The following TRIM25 variants were observed in gnomAD, a reference collection of about 807,000 sequenced individuals.
TRIM25 encodes tripartite motif containing 25, also known as E3 ubiquitin/ISG15 ligase TRIM25.
A neutral mutation model predicts 65.2 loss-of-function variants in TRIM25; 45 were observed. That is an observed-to-expected ratio of 0.69 (90% confidence interval 0.54 to 0.89). The LOEUF (loss-of-function observed/expected upper bound fraction) is 0.89, where lower values mean the gene tolerates loss of function less well. Ranked by LOEUF, TRIM25 falls within the 40% of genes least tolerant of loss-of-function variation. The pLI, the probability that TRIM25 is intolerant of heterozygous loss-of-function variation, is 0.00. For synonymous variants in TRIM25, 321 were observed against 340.4 expected (o/e 0.94, Z 0.63); for missense variants, 714 against 803.7 (o/e 0.89, Z 1.35).
Position 56,891,918 on chromosome 17 carries a change from A to C in TRIM25, c.1675T>G (p.Ser559Ala), listed in dbSNP as rs1171192543. 4 of 1,614,222 alleles carry C rather than the reference A, an allele frequency of 2.5e-6. No individual in the cohort carries two copies. The South Asian group carries it at 4.4e-5, about 18-fold the overall frequency. Reference sequence around the variant, plus strand: ...TTCTCCACGTTATTGTGCCAGGCAGAGATCTTGGTGTTGAACCACTCCACG... The same window carrying C: ...TTCTCCACGTTATTGTGCCAGGCAGCGATCTTGGTGTTGAACCACTCCACG... ...WCVEWFNTKISAWHNNVEKTL... is the reference protein window; with the variant it reads ...WCVEWFNTKIAAWHNNVEKTL... Residue 559 changes from serine (S) to alanine (A), a missense_variant, in exon 9 of 9, where the codon TCT becomes GCT. Around this residue, in one of 3 missense-constraint regions of TRIM25, gnomAD observed 413 missense variants for 498.2 expected, o/e 0.83. Transcript: ENST00000316881.
chr17:56,891,299 G>A lies in TRIM25; in HGVS notation c.*401C>T. On this transcript the variant is annotated 3_prime_UTR_variant, in exon 9 of 9. Transcript: ENST00000316881. ...AGAATTCAAAACACCAAGATCTGAA[G>A]GCTACCCCAGAGAGCAAAGGGGCAG... 3.2e-6 allele frequency: 1 copy of A among 311,286 alleles called. No individual in the cohort carries two copies. Among genetic ancestry groups the A allele is most frequent in the South Asian group, 2.9e-5 (1 of 34,532 alleles). The allele number at this position is 311,286 out of a possible 1,614,324, so 19.3% of individuals were successfully genotyped here. A position where few individuals can be genotyped will look rare whatever the true frequency, so the allele number is the denominator to read the frequency against.
At position 56,888,987 on chromosome 17, in the gene TRIM25, A is replaced by T. The variant is rs1338345286; in HGVS notation, c.*2713T>A. ...GTCAGCCAGCCCTGGCCTTGTCTAC[A>T]GCCATGATTATCTCCTTAAAGAGTT... On this transcript the variant is annotated 3_prime_UTR_variant, in exon 9 of 9. Transcript: ENST00000316881. 6.6e-6 allele frequency: 1 copy of T among 152,246 alleles called. No individual in the cohort carries two copies. Among genetic ancestry groups the T allele is most frequent in the Non-Finnish European group, 1.5e-5 (1 of 68,048 alleles). The allele number at this position is 152,246 out of a possible 1,614,324, so 9.4% of individuals were successfully genotyped here.
intron 3 of TRIM25, among the ~76,000 whole-genome samples, chr17:56,901,797 T>G (rs1049113995): frequency 6.6e-6 from 1 of 152,122 alleles, no homozygotes; most frequent in Non-Finnish European, 1.5e-5. Flanking sequence ...ATCTTACAGA[T>G]GGGGAAACTG....
At chr17:56,906,491 C>T (rs1363024834) in intron 2 of TRIM25, among the ~76,000 whole-genome samples, 5 of 146,202 alleles carry the variant, frequency 3.4e-5, no homozygotes, top group Admixed American at 3.4e-4. Context: ...AGTATTTCTT[C>T]GCCAATATTT....
At chr17:56,894,205 A>G (rs1408583201) in intron 8 of TRIM25, among the ~76,000 whole-genome samples, 1 of 152,194 alleles carries the variant, frequency 6.6e-6, no homozygotes, top group Non-Finnish European at 1.5e-5. Context: ...CTGATCTTGT[A>G]GGGCTAGAAC....
chr17:56,891,415 G>C lies in TRIM25; in HGVS notation c.*285C>G. ...GGCACTCATGACTTCACTTCCCAGA[G>C]CTCTGCCCAGCTGCCCAGCAGCCTG... On this transcript the variant is annotated 3_prime_UTR_variant, in exon 9 of 9. Coordinates refer to ENST00000316881, the MANE Select transcript of TRIM25 (RefSeq NM_005082.5). 1 of 456,844 alleles carries C rather than the reference G, an allele frequency of 2.2e-6. No homozygotes were observed. Among genetic ancestry groups the C allele is most frequent in the Non-Finnish European group, 4.0e-6 (1 of 249,540 alleles). 28.3% of individuals were successfully genotyped at this position (456,844 alleles called of 1,614,324 possible).
In TRIM25 at chr17:56,892,246, C is replaced by T; in HGVS notation, c.1364-17G>A. On this transcript the variant is annotated splice_polypyrimidine_tract_variant and intron_variant, in intron 8 of 8. Coordinates refer to ENST00000316881, the MANE Select transcript of TRIM25 (RefSeq NM_005082.5). The stretch of plus-strand genomic sequence containing the variant: ...TAATGTAATCTGAGAAAACATCACC[C>T]CAAGGAATTAATTACAAGGGGCCCA... The T allele has an allele frequency of 1.3e-6, 2 of 1,570,720 alleles. No homozygotes were observed. The highest frequency in any genetic ancestry group is 1.7e-6 in the Non-Finnish European group (2 of 1,157,218).
chr17:56,905,985 C>A (rs1192890843), intron 2 of TRIM25, among the ~76,000 whole-genome samples: 1 of 152,120 alleles, frequency 6.6e-6, no homozygotes, highest in African/African-American at 2.4e-5. Flanking sequence ...AAATAAAATA[C>A]AATAAATCTC....
rs769094656 is a variant in TRIM25, at chr17:56,892,030, G to T, written c.1563C>A (p.Asn521Lys). 1 of 1,614,164 alleles carries T rather than the reference G, an allele frequency of 6.2e-7. No individual in the cohort carries two copies. The highest frequency in any genetic ancestry group is 1.7e-5 in the Admixed American group (1 of 60,022). Residue 521 changes from asparagine to lysine, a missense_variant, in exon 9 of 9, where the codon AAC becomes AAA. By Grantham distance (94) the Asn-to-Lys change is moderately conservative. Around this residue, in one of 3 missense-constraint regions of TRIM25, gnomAD observed 413 missense variants for 498.2 expected, o/e 0.83. Coordinates refer to ENST00000316881, the MANE Select transcript of TRIM25 (RefSeq NM_005082.5). ...AGCAGATGCCTACCCCACAGAAGTT[G>T]TTCTTCTGCAGCTCCACCTCCCAGT... ...IHYWEVELQK[N>K]NFCGVGICYG...
chr17:56,898,943 C>T (rs2525996), intron 5 of TRIM25, 172 bp downstream of exon 5: 1 of 651,322 alleles, frequency 1.5e-6, no homozygotes. Flanking sequence ...TGATGGACAG[C>T]GGAGCTTCTG....
At chr17:56,905,422 C>T (rs750526297) in intron 2 of TRIM25, among the ~76,000 whole-genome samples, 1 of 152,090 alleles carries the variant, frequency 6.6e-6, no homozygotes, top group Admixed American at 6.6e-5. Context: ...TGGAAAATTT[C>T]TAGAGAATAT....
chr17:56,895,499 C>T, intron 7 of TRIM25, 22 bp downstream of exon 7: 1 of 1,613,928 alleles, frequency 6.2e-7, no homozygotes, highest in Non-Finnish European at 8.5e-7. Flanking sequence ...CACCCCAAAG[C>T]TCCTTGCCCA....
In TRIM25 at chr17:56,891,075, C is replaced by T; in HGVS notation, c.*625G>A. On this transcript the variant is annotated 3_prime_UTR_variant, in exon 9 of 9. Transcript: ENST00000316881. ...CATCAATGTGGGGGCGATGGGTGTG[C>T]AGGGTAGGAAGGGAACGCACTATTT... The T allele has an allele frequency of 2.6e-6, 1 of 381,948 alleles. No individual in the cohort carries two copies. The highest frequency in any genetic ancestry group is 5.2e-6 in the Non-Finnish European group (1 of 191,520). The allele number at this position is 381,948 out of a possible 1,614,324, so 23.7% of individuals were successfully genotyped here. A position where few individuals can be genotyped will look rare whatever the true frequency, so the allele number is the denominator to read the frequency against.
At chr17:56,896,498 C>CAA (rs772807899) in intron 5 of TRIM25, among the ~76,000 whole-genome samples, 2 of 106,228 alleles carry the variant, frequency 1.9e-5, no homozygotes, top group Admixed American at 9.8e-5. Context: ...TACAAAATTA[C>CAA]AAAAAAAAAA....
chr17:56,912,266 G>A (rs1433808387), intron 1 of TRIM25: 1 of 152,228 alleles, frequency 6.6e-6, no homozygotes, highest in Non-Finnish European at 1.5e-5. Context: ...CAAGGGGAAG[G>A]TATGATCCCC....
At chr17:56,903,559 C>A (rs969093637) in intron 3 of TRIM25, among the ~76,000 whole-genome samples, 1 of 152,116 alleles carries the variant, frequency 6.6e-6, no homozygotes, top group African/African-American at 2.4e-5. Flanking sequence ...GGCCCTCAAG[C>A]CCCCGACCCC....
chr17:56,913,374 C>T lies in TRIM25; in HGVS notation c.597+18G>A. 1 of 1,545,730 alleles carries T rather than the reference C, an allele frequency of 6.5e-7. No homozygotes were observed. The highest frequency in any genetic ancestry group is 8.8e-7 in the Non-Finnish European group (1 of 1,141,486). ...ATCAGGCCAGGCTGCCCTCTGCACC[C>T]AGCAGGCCGTTCCCTACCTCCAGGT... On this transcript the variant is annotated intron_variant, in intron 1 of 8. Coordinates refer to ENST00000316881, the MANE Select transcript of TRIM25 (RefSeq NM_005082.5). This position sits in a 1 kb window ranked among gnomAD's most constrained non-coding sequence, Gnocchi z 6.1.
At chr17:56,908,618 GA>G in intron 1 of TRIM25, 55 bp from the exon 2 acceptor site, 1 of 1,550,188 alleles carries the variant, frequency 6.5e-7, no homozygotes, top group Non-Finnish European at 8.9e-7. Flanking sequence ...AGCCCCACCA[GA>G]AGCCATCCCT....
chr17:56,899,178 C>T lies in TRIM25; in HGVS notation c.1090G>A (p.Asp364Asn), dbSNP rs1909360241. The T allele has an allele frequency of 6.2e-7, 1 of 1,614,032 alleles. No homozygotes were observed. The highest frequency in any genetic ancestry group is 1.1e-5 in the South Asian group (1 of 91,076). The change falls in exon 5 of 9, where the codon GAC becomes AAC. Residue 364 changes from aspartate (D) to asparagine (N), a missense_variant and splice_region_variant. Transcript: ENST00000316881. ...RLQEPTPSSG[D>N]PGEHDPASTH... ...GACGCTGGGTCATGCTCTCCAGGGT[C>T]ACCTGTGTCAGAGAAGAAGGGCTCA...
Sources: gnomAD v4.1 joint callset for allele counts (sites outside exome capture counted in the v4.1 genomes callset) on GRCh38, gnomAD v4.1.1 for gene constraint, gnomAD v4.1.1 regional missense constraint, Gnocchi (gnomAD v3.1) non-coding constraint, MANE v1.5 for transcripts, NCBI Gene and HGNC (gene_info 2026-07-23, HGNC 2026-07-21) for gene names.